Variants in GPC6 observed in about 807,000 individuals in gnomAD.
GPC6 encodes the protein glypican-6.
GPC6 carries 14 observed loss-of-function variants against 55.2 expected under a neutral mutation model. The observed-to-expected ratio is 0.25, with a 90% CI of 0.17 to 0.40. GPC6 has a LOEUF of 0.40. GPC6 is among the 10% of genes least tolerant of loss of function. The pLI, the probability that GPC6 is intolerant of heterozygous loss-of-function variation, is 1.00. For synonymous variants in GPC6, 278 were observed against 259.6 expected (o/e 1.07, Z -0.68); for missense variants, 641 against 708.5 (o/e 0.90, Z 1.08).
At chr13:93,526,165 C>A (rs577344482) in intron 1 of GPC6, among the ~76,000 whole-genome samples, 1 of 152,152 alleles carries the variant, frequency 6.6e-6, no homozygotes, top group African/African-American at 2.4e-5. Flanking sequence ...GAGCCTAGAA[C>A]CTAAGTCCAC....
chr13:93,313,706 A>T (rs1377354108), intron 1 of GPC6, among the ~76,000 whole-genome samples: 1 of 151,996 alleles, frequency 6.6e-6, no homozygotes, highest in Admixed American at 6.6e-5. Flanking sequence ...CCCAGGCTGG[A>T]GTACAGTGGC....
At chr13:93,406,923 C>G (rs1876314376) in intron 1 of GPC6, among the ~76,000 whole-genome samples, 1 of 152,068 alleles carries the variant, frequency 6.6e-6, no homozygotes, top group Non-Finnish European at 1.5e-5. Flanking sequence ...TTAAAGAAAA[C>G]TAAAGGGACA....
chr13:93,362,939 G>A (rs1881093701), intron 1 of GPC6, among the ~76,000 whole-genome samples: 1 of 152,010 alleles, frequency 6.6e-6, no homozygotes, highest in South Asian at 2.1e-4. Context: ...GCCAAACAGT[G>A]CTAGTATTAA....
At chr13:93,839,087 T>C (rs1184121609) in intron 3 of GPC6, among the ~76,000 whole-genome samples, 1 of 152,122 alleles carries the variant, frequency 6.6e-6, no homozygotes, top group Admixed American at 6.6e-5. Context: ...TAGCATCAAC[T>C]GTGGCAGATA....
intron 6 of GPC6, among the ~76,000 whole-genome samples, chr13:94,373,679 G>A (rs1470374370): frequency 6.6e-6 from 1 of 152,080 alleles, no homozygotes; most frequent in Non-Finnish European, 1.5e-5. Flanking sequence ...ATCTAGCAAG[G>A]CAGGCCAACA....
chr13:93,294,503 T>A (rs1457691358), intron 1 of GPC6, among the ~76,000 whole-genome samples: 1 of 152,142 alleles, frequency 6.6e-6, no homozygotes, highest in East Asian at 1.9e-4. Context: ...AGGAAGTAGT[T>A]GATTTGGTGC....
At chr13:93,329,417 A>G (rs1320125663) in intron 1 of GPC6, among the ~76,000 whole-genome samples, 1 of 152,232 alleles carries the variant, frequency 6.6e-6, no homozygotes, top group East Asian at 1.9e-4. Context: ...TTACAATTCA[A>G]TTAAAAACAG....
rs1290689879 is a variant in GPC6 at position 93,921,039 on chromosome 13, C to A, written c.711+90494C>A. Among the ~76,000 whole-genome samples the A allele has an allele frequency of 5.3e-5, 8 of 152,334 alleles. No individual in the cohort carries two copies. In the East Asian group the frequency reaches 1.2e-3, roughly 22 times the overall value. On this transcript the variant is annotated intron_variant, in intron 3 of 8. Coordinates refer to ENST00000377047, the MANE Select transcript of GPC6 (RefSeq NM_005708.5). ...AAGGATGCTCTGCCTTTTGCTAACACTGAACTTCTGCTCATCAGTTGTCTC... is the reference window on the plus strand; with the variant it reads ...AAGGATGCTCTGCCTTTTGCTAACAATGAACTTCTGCTCATCAGTTGTCTC...
At chr13:93,721,254 G>T (rs1883446304) in intron 2 of GPC6, among the ~76,000 whole-genome samples, 2 of 151,670 alleles carry the variant, frequency 1.3e-5, no homozygotes, top group African/African-American at 2.4e-5. Flanking sequence ...CTCCTGTATT[G>T]GGTGGATAGT....
intron 6 of GPC6, among the ~76,000 whole-genome samples, chr13:94,373,746 T>C (rs1434431976): frequency 1.3e-5 from 2 of 152,040 alleles, no homozygotes; most frequent in Non-Finnish European, 2.9e-5. Flanking sequence ...AAGAGGAACT[T>C]CAAGACACAT....
intron 2 of GPC6, among the ~76,000 whole-genome samples, chr13:93,759,450 C>G (rs1192163279): frequency 6.6e-6 from 1 of 152,152 alleles, no homozygotes; most frequent in Non-Finnish European, 1.5e-5. Context: ...GTCGATATGA[C>G]AAGAATACCT....
At chr13:94,288,156 C>T (rs1478390421) in intron 5 of GPC6, among the ~76,000 whole-genome samples, 1 of 151,976 alleles carries the variant, frequency 6.6e-6, no homozygotes, top group African/African-American at 2.4e-5. Flanking sequence ...AACAGATCAG[C>T]AATTATATAA....
chr13:93,978,559 T>G (rs1880627839), intron 3 of GPC6, among the ~76,000 whole-genome samples: 1 of 152,172 alleles, frequency 6.6e-6, no homozygotes. Context: ...CAGATACATA[T>G]TATACACATG....
chr13:93,898,459 A>G (rs958632269), intron 3 of GPC6, among the ~76,000 whole-genome samples: 3 of 152,164 alleles, frequency 2.0e-5, no homozygotes, highest in African/African-American at 7.2e-5. Flanking sequence ...TGAAGGCCAC[A>G]TGGATGAAAC....
chr13:93,395,338 T>C, intron 1 of GPC6: 2 of 466,020 alleles, frequency 4.3e-6, no homozygotes, highest in South Asian at 2.1e-5. Context: ...TTTTCCCAAC[T>C]TCACAGTTGT....
intron 2 of GPC6, among the ~76,000 whole-genome samples, chr13:93,798,918 CAAAAAA>C (rs57665046): frequency 1.2e-5 from 1 of 86,246 alleles, no homozygotes. Context: ...GACTCTGTCT[CAAAAAA>C]AAAAAAAAAA....
intron 1 of GPC6, among the ~76,000 whole-genome samples, chr13:93,374,924 G>A (rs1874823057): frequency 6.6e-6 from 1 of 152,140 alleles, no homozygotes; most frequent in Non-Finnish European, 1.5e-5. Flanking sequence ...CATGAATCAT[G>A]TTATAATGCC....
At chr13:93,738,348 G>A (rs1331776647) in intron 2 of GPC6, among the ~76,000 whole-genome samples, 1 of 152,062 alleles carries the variant, frequency 6.6e-6, no homozygotes, top group African/African-American at 2.4e-5. Context: ...GGTCGGGCTT[G>A]GTAAAATGAT....
At chr13:94,120,199 C>G (rs1203552527) in intron 4 of GPC6, among the ~76,000 whole-genome samples, 1 of 151,922 alleles carries the variant, frequency 6.6e-6, no homozygotes, top group Admixed American at 6.6e-5. Flanking sequence ...GGCTCATAAG[C>G]AGTAGACATA....
Sources: allele counts gnomAD v4.1 joint callset (sites outside exome capture counted in the v4.1 genomes callset), GRCh38; gene constraint gnomAD v4.1.1; transcripts MANE v1.5; gene names NCBI Gene and HGNC (gene_info 2026-07-23, HGNC 2026-07-21).